Variants in TEX13D observed in about 807,000 individuals in gnomAD.
TEX13D encodes testis-expressed protein 13D.
For missense variants in TEX13D, 261 were observed against 265.8 expected, an observed-to-expected ratio of 0.98 and a Z score of 0.12; for synonymous variants, 115 against 104.5, an observed-to-expected ratio of 1.10 and a Z score of -0.61.
rs891831892 is a variant in TEX13D, at chrX:124,335,620, A to G, written c.*558A>G. ...TATTATTCCTTTTGAAACTACTGCA[A>G]TCTTCATGTTTTCTTCATTTTGCTT... On this transcript the variant is annotated 3_prime_UTR_variant, in exon 1 of 1. Coordinates refer to ENST00000632372, the MANE Select transcript of TEX13D (RefSeq NM_001355534.2). The G allele has an allele frequency of 3.6e-5, 4 of 112,490 alleles. No individual in the cohort carries two copies. The highest frequency in any genetic ancestry group is 1.9e-4 in the Admixed American group (2 of 10,609). 9.3% of individuals were successfully genotyped at this position (112,490 alleles called of 1,213,427 possible). A position where few individuals can be genotyped will look rare whatever the true frequency, so the allele number is the denominator to read the frequency against.
In TEX13D at chrX:124,333,068, C is replaced by CA. The variant is rs2147513961; in HGVS notation, c.152dup (p.Ala52GlyfsTer68). ...GTGGAACGAGGTAGAGGACAGCCTT[C>CA]AGGCCATTGTGGCCGACTCTCAGGT... is the stretch of plus-strand genomic sequence containing the variant. On this transcript the variant is annotated frameshift_variant, in exon 1 of 1. Transcript: ENST00000632372. LOFTEE classifies it low-confidence loss of function (END_TRUNC). 4.2e-6 allele frequency: 2 copies of CA among 476,335 alleles called. No individual in the cohort carries two copies. Among genetic ancestry groups the CA allele is most frequent in the East Asian group, 3.8e-5 (1 of 26,102 alleles). 39.3% of individuals were successfully genotyped at this position (476,335 alleles called of 1,213,427 possible). A position where few individuals can be genotyped will look rare whatever the true frequency, so the allele number is the denominator to read the frequency against.
Position 124,335,071 on chromosome X carries a change from A to T in TEX13D, c.*9A>T. 6 of 928,911 alleles carry T rather than the reference A, an allele frequency of 6.5e-6. No individual in the cohort carries two copies. The highest frequency in any genetic ancestry group is 8.0e-6 in the Non-Finnish European group (6 of 747,621). 76.6% of individuals were successfully genotyped at this position (928,911 alleles called of 1,213,427 possible). ...GAGGACAAACTCAGTGATTTCAGGA[A>T]GGTAAGTAAGAATGGACACACTTCA... On this transcript the variant is annotated 3_prime_UTR_variant, in exon 1 of 1. Coordinates refer to ENST00000632372, the MANE Select transcript of TEX13D (RefSeq NM_001355534.2).
chrX:124,332,862 G>A lies in TEX13D; in HGVS notation c.-56G>A. ...GGCAGCAGCCGGTACCGGAAGTGGC[G>A]GCAGCAGCTGAGGCGACGCACCGTG... On this transcript the variant is annotated 5_prime_UTR_variant, in exon 1 of 1. Transcript: ENST00000632372. 3 of 341,820 alleles carry A rather than the reference G, an allele frequency of 8.8e-6. No homozygotes were observed. Among genetic ancestry groups the A allele is most frequent in the Non-Finnish European group, 1.5e-5 (3 of 197,658 alleles). 28.2% of individuals were successfully genotyped at this position (341,820 alleles called of 1,213,427 possible).
At position 124,336,342 on chromosome X, in the gene TEX13D, C is replaced by T. The variant is rs7050454; in HGVS notation, c.*1280C>T. 0.3 allele frequency: 33,432 copies of T among 110,811 alleles called. 3,727 individuals carry two copies. Among genetic ancestry groups the T allele is most frequent in the Middle Eastern group, 0.37 (80 of 214 alleles). The allele number at this position is 110,811 out of a possible 1,213,427, so 9.1% of individuals were successfully genotyped here. A position where few individuals can be genotyped will look rare whatever the true frequency, so the allele number is the denominator to read the frequency against. ...GGCTTTTCTGATTGTCTGCTGATTT[C>T]CTCCTTTGAGAGGGACAGATATTTT... On this transcript the variant is annotated 3_prime_UTR_variant, in exon 1 of 1. Transcript: ENST00000632372.
rs2059965945 is a variant in TEX13D, at chrX:124,333,345, A to G, written c.428A>G (p.Tyr143Cys). The G allele has an allele frequency of 2.7e-6, 1 of 374,193 alleles. No homozygotes were observed. The highest frequency in any genetic ancestry group is 2.6e-5 in the African/African-American group (1 of 38,345). The allele number at this position is 374,193 out of a possible 1,213,427, so 30.8% of individuals were successfully genotyped here. The change falls in exon 1 of 1, where the codon TAC becomes TGC. Residue 143 changes from tyrosine to cysteine, a missense_variant. Physicochemically the swap from Tyr to Cys is radical, Grantham distance 194 (BLOSUM62 -2). Transcript: ENST00000632372. ...QQALNERDGL[Y>C]GRLLQIERFP... ...GCGCTGAATGAGCGTGATGGGCTGT[A>G]CGGGAGGCTGCTCCAGATCGAGAGG...
chrX:124,332,913 C>G lies in TEX13D; in HGVS notation c.-5C>G. The G allele has an allele frequency of 2.8e-6, 1 of 357,513 alleles. No individual in the cohort carries two copies. Among genetic ancestry groups the G allele is most frequent in the Non-Finnish European group, 4.9e-6 (1 of 205,486 alleles). The allele number at this position is 357,513 out of a possible 1,213,427, so 29.5% of individuals were successfully genotyped here. A position where few individuals can be genotyped will look rare whatever the true frequency, so the allele number is the denominator to read the frequency against. The stretch of plus-strand genomic sequence containing the variant: ...AGGCAGCTGCTTGACTAGGCCACAG[C>G]CGCCATGGCGATGAATTTTGGGGAC... On this transcript the variant is annotated 5_prime_UTR_variant, in exon 1 of 1. Coordinates refer to ENST00000632372, the MANE Select transcript of TEX13D (RefSeq NM_001355534.2).
chrX:124,333,016 CT>C lies in TEX13D; in HGVS notation c.103del (p.Tyr35ThrfsTer12). ...EVLMDGSGPA[F>X]YVAFRSRPWN... ...TCCTCATGGACGGCAGCGGCCCAGC[CT>C]TTTACGTGGCCTTCCGCTCGCGGCC... On this transcript the variant is annotated frameshift_variant, in exon 1 of 1. Coordinates refer to ENST00000632372, the MANE Select transcript of TEX13D (RefSeq NM_001355534.2). LOFTEE classifies it low-confidence loss of function (END_TRUNC). The C allele has an allele frequency of 4.1e-6, 2 of 484,750 alleles. No homozygotes were observed. Among genetic ancestry groups the C allele is most frequent in the South Asian group, 2.8e-5 (1 of 35,115 alleles). 39.9% of individuals were successfully genotyped at this position (484,750 alleles called of 1,213,427 possible).
chrX:124,333,022 C>A lies in TEX13D; in HGVS notation c.105C>A (p.Tyr35Ter). 2 of 485,597 alleles carry A rather than the reference C, an allele frequency of 4.1e-6. No homozygotes were observed. Among genetic ancestry groups the A allele is most frequent in the Non-Finnish European group, 7.3e-6 (2 of 273,102 alleles). The allele number at this position is 485,597 out of a possible 1,213,427, so 40.0% of individuals were successfully genotyped here. The change falls in exon 1 of 1, where the codon TAC (tyrosine) becomes TAA (stop). Residue 35 changes from tyrosine to a stop codon, truncating the protein, a stop_gained. Transcript: ENST00000632372. LOFTEE classifies it low-confidence loss of function (END_TRUNC). ...TGGACGGCAGCGGCCCAGCCTTTTA[C>A]GTGGCCTTCCGCTCGCGGCCGTGGA... is the stretch of plus-strand genomic sequence containing the variant. ...VLMDGSGPAF[Y>*]VAFRSRPWNE...
At position 124,334,350 on chromosome X, in the gene TEX13D, G is replaced by T. The variant is rs2059969113; in HGVS notation, c.1433G>T (p.Gly478Val). Residue 478 changes from glycine to valine, a missense_variant, in exon 1 of 1, where the codon GGA becomes GTA. Coordinates refer to ENST00000632372, the MANE Select transcript of TEX13D (RefSeq NM_001355534.2). ...QGDNRSYSQE[G>V]SPERAQGMAT... Reference sequence around the variant, plus strand: ...GACAACAGGAGCTATAGCCAGGAAGGAAGCCCAGAGAGGGCCCAGGGGATG... The same window carrying T: ...GACAACAGGAGCTATAGCCAGGAAGTAAGCCCAGAGAGGGCCCAGGGGATG... 1 of 403,938 alleles carries T rather than the reference G, an allele frequency of 2.5e-6. No homozygotes were observed. The highest frequency in any genetic ancestry group is 3.3e-6 in the Non-Finnish European group (1 of 303,520). 33.3% of individuals were successfully genotyped at this position (403,938 alleles called of 1,213,427 possible). A position where few individuals can be genotyped will look rare whatever the true frequency, so the allele number is the denominator to read the frequency against.
Position 124,333,712 on chromosome X carries a change from C to T in TEX13D, c.795C>T (p.Ile265=). The change falls in exon 1 of 1, where the codon ATC becomes ATT. Residue 265 remains isoleucine, a synonymous_variant. Transcript: ENST00000632372. ...AVPLQMPPTE[I]HPPCPWPAVG... ...CACTTCAGATGCCTCCTACTGAGAT[C>T]CACCCACCTTGCCCGTGGCCTGCAG... 3.4e-6 allele frequency: 1 copy of T among 297,905 alleles called. No individual in the cohort carries two copies. Among genetic ancestry groups the T allele is most frequent in the East Asian group, 4.7e-5 (1 of 21,060 alleles). The allele number at this position is 297,905 out of a possible 1,213,427, so 24.6% of individuals were successfully genotyped here.
chrX:124,332,709 C>T lies in TEX13D; in HGVS notation c.-209C>T. 3.7e-6 allele frequency: 1 copy of T among 270,674 alleles called. No homozygotes were observed. The highest frequency in any genetic ancestry group is 6.5e-6 in the Non-Finnish European group (1 of 153,664). The allele number at this position is 270,674 out of a possible 1,213,427, so 22.3% of individuals were successfully genotyped here. ...GAGTCGCCGGTAGGGTTCGGTGTGG[C>T]GAGGGGGACCTGCTTCTCTCTTTGT... On this transcript the variant is annotated 5_prime_UTR_variant, in exon 1 of 1. Coordinates refer to ENST00000632372, the MANE Select transcript of TEX13D (RefSeq NM_001355534.2).
At position 124,333,956 on chromosome X, in the gene TEX13D, A is replaced by G. The variant is rs565107309; in HGVS notation, c.1039A>G (p.Ser347Gly). 1.8e-4 allele frequency: 140 copies of G among 772,525 alleles called. 3 individuals carry two copies. The South Asian group carries it at 9.2e-3, about 51-fold the overall frequency. The allele number at this position is 772,525 out of a possible 1,213,427, so 63.7% of individuals were successfully genotyped here. A position where few individuals can be genotyped will look rare whatever the true frequency, so the allele number is the denominator to read the frequency against. Residue 347 changes from serine to glycine, a missense_variant, in exon 1 of 1, where the codon AGC becomes GGC. Coordinates refer to ENST00000632372, the MANE Select transcript of TEX13D (RefSeq NM_001355534.2). ...SPQGTAPLGS[S>G]GCHSQEEGTE... ...CCAGGGGACAGCCCCACTGGGGAGCAGCGGATGCCACTCCCAGGAAGAAGG... is the reference window on the plus strand; with the variant it reads ...CCAGGGGACAGCCCCACTGGGGAGCGGCGGATGCCACTCCCAGGAAGAAGG...
In TEX13D at chrX:124,332,875, G is replaced by A. The variant is rs1388818136; in HGVS notation, c.-43G>A. 2.9e-6 allele frequency: 1 copy of A among 348,682 alleles called. No individual in the cohort carries two copies. Among genetic ancestry groups the A allele is most frequent in the East Asian group, 4.6e-5 (1 of 21,516 alleles). 28.7% of individuals were successfully genotyped at this position (348,682 alleles called of 1,213,427 possible). ...ACCGGAAGTGGCGGCAGCAGCTGAGGCGACGCACCGTGAGGCAGCTGCTTG... is the reference window on the plus strand; with the variant it reads ...ACCGGAAGTGGCGGCAGCAGCTGAGACGACGCACCGTGAGGCAGCTGCTTG... On this transcript the variant is annotated 5_prime_UTR_variant, in exon 1 of 1. Coordinates refer to ENST00000632372, the MANE Select transcript of TEX13D (RefSeq NM_001355534.2).
chrX:124,333,097 G>A lies in TEX13D; in HGVS notation c.180G>A (p.Pro60=). ...LQAIVADSQV[P]RAIKRACTWS... ...CCATTGTGGCCGACTCTCAGGTGCC[G>A]CGCGCCATCAAGAGGGCCTGTACCT... The change falls in exon 1 of 1, where the codon CCG becomes CCA. Residue 60 remains proline, a synonymous_variant. Transcript: ENST00000632372. The A allele has an allele frequency of 4.4e-6, 2 of 453,898 alleles. No individual in the cohort carries two copies. Among genetic ancestry groups the A allele is most frequent in the Admixed American group, 3.5e-5 (1 of 28,496 alleles). 37.4% of individuals were successfully genotyped at this position (453,898 alleles called of 1,213,427 possible). A position where few individuals can be genotyped will look rare whatever the true frequency, so the allele number is the denominator to read the frequency against.
At position 124,332,893 on chromosome X, in the gene TEX13D, G is replaced by T. The variant is rs189927574; in HGVS notation, c.-25G>T. The T allele has an allele frequency of 2.7e-3, 936 of 347,012 alleles. 6 individuals are homozygous for T. Among genetic ancestry groups the T allele is most frequent in the South Asian group, 1.9e-3 (26 of 14,041 alleles). The allele number at this position is 347,012 out of a possible 1,213,427, so 28.6% of individuals were successfully genotyped here. A position where few individuals can be genotyped will look rare whatever the true frequency, so the allele number is the denominator to read the frequency against. ...AGCTGAGGCGACGCACCGTGAGGCA[G>T]CTGCTTGACTAGGCCACAGCCGCCA... On this transcript the variant is annotated 5_prime_UTR_variant, in exon 1 of 1. Coordinates refer to ENST00000632372, the MANE Select transcript of TEX13D (RefSeq NM_001355534.2).
Position 124,333,214 on chromosome X carries a change from G to A in TEX13D, c.297G>A (p.Glu99=). 2.1e-6 allele frequency: 1 copy of A among 470,826 alleles called. No individual in the cohort carries two copies. The highest frequency in any genetic ancestry group is 3.7e-6 in the Non-Finnish European group (1 of 267,905). 38.8% of individuals were successfully genotyped at this position (470,826 alleles called of 1,213,427 possible). Residue 99 remains glutamate (E), a synonymous_variant, in exon 1 of 1, where the codon GAG becomes GAA. Transcript: ENST00000632372. ...HVRRLQRHAE[E]RQATSWALTS... is the part of the protein sequence containing the mutation. ...GGCGGCTGCAAAGGCATGCGGAGGA[G>A]CGCCAGGCGACCTCCTGGGCTCTAA... is the stretch of plus-strand genomic sequence containing the variant.
Position 124,335,132 on chromosome X carries a change from A to G in TEX13D, c.*70A>G. The G allele has an allele frequency of 1.3e-6, 1 of 742,269 alleles. No individual in the cohort carries two copies. The highest frequency in any genetic ancestry group is 2.2e-5 in the African/African-American group (1 of 45,747). The allele number at this position is 742,269 out of a possible 1,213,427, so 61.2% of individuals were successfully genotyped here. ...AATTTCCTAAGACCCTCTTCTGATTAAAGTATAACTTATTTACTTCACAGA... is the reference window on the plus strand; with the variant it reads ...AATTTCCTAAGACCCTCTTCTGATTGAAGTATAACTTATTTACTTCACAGA... On this transcript the variant is annotated 3_prime_UTR_variant, in exon 1 of 1. Transcript: ENST00000632372.
chrX:124,336,434 A>G lies in TEX13D; in HGVS notation c.*1372A>G, dbSNP rs898693871. On this transcript the variant is annotated 3_prime_UTR_variant, in exon 1 of 1. Transcript: ENST00000632372. ...CTTGAAGAAAGACAGTGCTCTGAGG[A>G]GTATTCACTACACACTCCAGCCCTC... 1 of 112,182 alleles carries G rather than the reference A, an allele frequency of 8.9e-6. No homozygotes were observed. Among genetic ancestry groups the G allele is most frequent in the Non-Finnish European group, 1.9e-5 (1 of 53,214 alleles). 9.2% of individuals were successfully genotyped at this position (112,182 alleles called of 1,213,427 possible). A position where few individuals can be genotyped will look rare whatever the true frequency, so the allele number is the denominator to read the frequency against.
rs1046510513 is a variant in TEX13D at position 124,333,207 on chromosome X, C to T, written c.290C>T (p.Ala97Val). 2.1e-6 allele frequency: 1 copy of T among 470,065 alleles called. No homozygotes were observed. The highest frequency in any genetic ancestry group is 3.2e-5 in the Admixed American group (1 of 31,487). The allele number at this position is 470,065 out of a possible 1,213,427, so 38.7% of individuals were successfully genotyped here. A position where few individuals can be genotyped will look rare whatever the true frequency, so the allele number is the denominator to read the frequency against. ...LHHVRRLQRH[A>V]EERQATSWAL... ...CACGTTCGGCGGCTGCAAAGGCATG[C>T]GGAGGAGCGCCAGGCGACCTCCTGG... The change falls in exon 1 of 1, where the codon GCG (alanine) becomes GTG (valine). Residue 97 changes from alanine (A) to valine (V), a missense_variant. Coordinates refer to ENST00000632372, the MANE Select transcript of TEX13D (RefSeq NM_001355534.2).
Sources: gnomAD v4.1 joint callset for allele counts on GRCh38, gnomAD v4.1.1 for gene constraint, MANE v1.5 for transcripts, NCBI Gene and HGNC (gene_info 2026-07-23, HGNC 2026-07-21) for gene names.